Variants in SLC15A4 observed in about 807,000 individuals in gnomAD.
SLC15A4 encodes the protein solute carrier family 15 member 4.
SLC15A4 carries 26 observed loss-of-function variants against 46.1 expected under a neutral mutation model. The observed-to-expected ratio is 0.56, with a 90% CI of 0.41 to 0.78. SLC15A4 has a LOEUF of 0.78. Ranked by LOEUF, SLC15A4 falls within the 30% of genes least tolerant of loss-of-function variation. The pLI, the probability that SLC15A4 is intolerant of heterozygous loss-of-function variation, is 0.00. For synonymous variants in SLC15A4, 370 were observed against 333.4 expected, an observed-to-expected ratio of 1.11 and a Z score of -1.20; for missense variants, 751 against 755.7, an observed-to-expected ratio of 0.99 and a Z score of 0.07.
intron 1 of SLC15A4, among the ~76,000 whole-genome samples, chr12:128,821,185 A>G (rs1217314232): frequency 2.0e-5 from 3 of 152,202 alleles, no homozygotes; most frequent in African/African-American, 7.2e-5. Context: ...GTATTCCTAC[A>G]TAGGAACACA....
chr12:128,821,846 ACTGCACTCCAAC>A (rs1955843562), intron 1 of SLC15A4, among the ~76,000 whole-genome samples: 2 of 150,792 alleles, frequency 1.3e-5, no homozygotes, highest in Non-Finnish European at 2.9e-5. Flanking sequence ...AGATCGCGCC[ACTGCACTCCAAC>A]CTGGCAACAG....
rs199661368 is a variant in SLC15A4 at position 128,814,787 on chromosome 12, C to T, written c.830G>A (p.Arg277His). 3.3e-5 allele frequency: 53 copies of T among 1,613,824 alleles called. No individual in the cohort carries two copies. Among genetic ancestry groups the T allele is most frequent in the Admixed American group, 2.8e-4 (17 of 59,996 alleles). The part of the protein sequence containing the change: ...SCCSQKRSGE[R>H]QSNGEGIGVF... ...ACTAAGTGCTTACCCATTACTCTGG[C>T]GCTCTCCACTTCGCTTCTGGGAACA... Residue 277 changes from arginine (R) to histidine (H), a missense_variant, in exon 2 of 8, where the codon CGC (arginine) becomes CAC (histidine). Transcript: ENST00000266771.
chr12:128,822,616 G>A (rs1955862004), intron 1 of SLC15A4, among the ~76,000 whole-genome samples: 2 of 152,074 alleles, frequency 1.3e-5, no homozygotes, highest in South Asian at 4.1e-4. Context: ...GGAGTGGCGC[G>A]ATCTCGGCTC....
intron 1 of SLC15A4, among the ~76,000 whole-genome samples, chr12:128,818,548 G>A (rs1210832120): frequency 5.9e-5 from 9 of 152,216 alleles, no homozygotes; most frequent in Non-Finnish European, 1.3e-4. Context: ...AGCCGCACCT[G>A]GAGGGGGACC....
At chr12:128,817,052 T>C (rs1179919111) in intron 1 of SLC15A4, among the ~76,000 whole-genome samples, 2 of 152,218 alleles carry the variant, frequency 1.3e-5, no homozygotes, top group Non-Finnish European at 1.5e-5. Flanking sequence ...ATGGCCACTA[T>C]GGTGGCAGGT....
chr12:128,811,740 A>C (rs1159321888), intron 2 of SLC15A4, among the ~76,000 whole-genome samples: 1 of 152,246 alleles, frequency 6.6e-6, no homozygotes, highest in Non-Finnish European at 1.5e-5. Context: ...TTCACTAAAA[A>C]CATTTAAATA....
At chr12:128,821,686 G>C (rs1435094085) in intron 1 of SLC15A4, among the ~76,000 whole-genome samples, 1 of 152,036 alleles carries the variant, frequency 6.6e-6, no homozygotes, top group African/African-American at 2.4e-5. Context: ...AAGAGATCAA[G>C]ACCATCCTGG....
chr12:128,798,580 A>T (rs1269788818), intron 7 of SLC15A4, among the ~76,000 whole-genome samples: 6 of 152,244 alleles, frequency 3.9e-5, no homozygotes, highest in Admixed American at 2.6e-4. Flanking sequence ...ATGATTATAC[A>T]AGAAAAAGTA....
intron 1 of SLC15A4, 100 bp downstream of exon 1, chr12:128,823,298 C>G: frequency 1.7e-6 from 2 of 1,165,470 alleles, no homozygotes; most frequent in South Asian, 4.1e-5. Flanking sequence ...GGGCAAGGGG[C>G]TCCCTCCGCG....
intron 1 of SLC15A4, among the ~76,000 whole-genome samples, chr12:128,822,619 C>T (rs1955862106): frequency 6.6e-6 from 1 of 152,124 alleles, no homozygotes. Context: ...GTGGCGCGAT[C>T]TCGGCTCATC....
chr12:128,803,376 C>A (rs1593006282), intron 5 of SLC15A4, among the ~76,000 whole-genome samples: 1 of 152,196 alleles, frequency 6.6e-6, no homozygotes, highest in South Asian at 2.1e-4. Context: ...TGAATTGTTC[C>A]TTGTGTGATG....
intron 2 of SLC15A4, chr12:128,813,744 G>A (rs919242187): frequency 2.6e-5 from 4 of 152,326 alleles, no homozygotes; most frequent in East Asian, 3.9e-4. Flanking sequence ...GCATTTCTAC[G>A]TTGATCAAAA....
At chr12:128,796,739 G>A (rs1352181607) in intron 7 of SLC15A4, among the ~76,000 whole-genome samples, 4 of 152,170 alleles carry the variant, frequency 2.6e-5, no homozygotes, top group South Asian at 2.1e-4. Context: ...GGCATTTGAC[G>A]CTACTGAGAC....
chr12:128,815,326 A>ATGTGGAAAAACTTGAGTTTTTCCAAGTC, intron 1 of SLC15A4: 1 of 423,878 alleles, frequency 2.4e-6, no homozygotes. Flanking sequence ...TTTTCCAAGT[A>ATGTGGAAAAACTTGAGTTTTTCCAAGTC]TATTCTGCTG....
At position 128,808,903 on chromosome 12, in the gene SLC15A4, G is replaced by C. The variant is rs776090564; in HGVS notation, c.1143C>G (p.Ile381Met). 8 of 1,614,100 alleles carry C rather than the reference G, an allele frequency of 5.0e-6. No homozygotes were observed. The highest frequency in any genetic ancestry group is 5.9e-6 in the Non-Finnish European group (7 of 1,180,038). Residue 381 changes from isoleucine to methionine, a missense_variant, in exon 5 of 8, where the codon ATC (isoleucine) becomes ATG (methionine). Coordinates refer to ENST00000266771, the MANE Select transcript of SLC15A4 (RefSeq NM_145648.4). Reference protein sequence around the residue: ...MFDAVLILLLIPLKDKLVDPI... With the variant: ...MFDAVLILLLMPLKDKLVDPI... The stretch of plus-strand genomic sequence containing the variant: ...GATCGACCAGTTTGTCCTTCAGAGG[G>C]ATGAGCAGGAGGATGAGCACAGCAT...
rs144652679 is a variant in SLC15A4, at chr12:128,801,289, A to G, written c.1259-280T>C. 12 of 274,052 alleles carry G rather than the reference A, an allele frequency of 4.4e-5. No individual in the cohort carries two copies. In the East Asian group the frequency reaches 9.4e-4, roughly 21 times the overall value. 17.0% of individuals were successfully genotyped at this position (274,052 alleles called of 1,614,324 possible). A position where few individuals can be genotyped will look rare whatever the true frequency, so the allele number is the denominator to read the frequency against. On this transcript the variant is annotated intron_variant, in intron 5 of 7. Coordinates refer to ENST00000266771, the MANE Select transcript of SLC15A4 (RefSeq NM_145648.4). ...AACATGTTTCATTTAATCCTCAAATATCTGGATTGCTCACCCATACCTCGT... is the reference window on the plus strand; with the variant it reads ...AACATGTTTCATTTAATCCTCAAATGTCTGGATTGCTCACCCATACCTCGT...
intron 5 of SLC15A4, among the ~76,000 whole-genome samples, chr12:128,805,090 A>G (rs998544425): frequency 1.3e-5 from 2 of 152,202 alleles, no homozygotes; most frequent in Admixed American, 1.3e-4. Context: ...ACAATAATAT[A>G]AATAAAATAC....
intron 5 of SLC15A4, among the ~76,000 whole-genome samples, chr12:128,804,497 C>T (rs1445822602): frequency 3.9e-5 from 6 of 152,144 alleles, no homozygotes; most frequent in African/African-American, 7.2e-5. Context: ...TTTGGGAGGC[C>T]AAGGTGGGCA....
At chr12:128,811,658 A>G (rs1161260086) in intron 2 of SLC15A4, among the ~76,000 whole-genome samples, 1 of 152,230 alleles carries the variant, frequency 6.6e-6, no homozygotes, top group Admixed American at 6.5e-5. Context: ...CTTTTTTTCA[A>G]AAAGGAAATT....
Sources: gnomAD v4.1 joint callset for allele counts (sites outside exome capture counted in the v4.1 genomes callset) on GRCh38, gnomAD v4.1.1 for gene constraint, MANE v1.5 for transcripts, NCBI Gene and HGNC (gene_info 2026-07-23, HGNC 2026-07-21) for gene names.